The following IQSEC1 variants were observed in gnomAD, a reference collection of about 807,000 sequenced individuals.
The protein encoded by IQSEC1 is IQ motif and SEC7 domain-containing protein 1.
IQSEC1 carries 31 observed loss-of-function variants against 91.0 expected under a neutral mutation model. That is an observed-to-expected ratio of 0.34 (90% CI 0.26 to 0.46). The LOEUF (loss-of-function observed/expected upper bound fraction) is 0.46. Among genes scored for constraint, IQSEC1 ranks in the 20% least tolerant of loss-of-function variants. The pLI, the probability that IQSEC1 is intolerant of heterozygous loss-of-function variation, is 1.00. For synonymous variants in IQSEC1, 699 were observed against 662.6 expected (o/e 1.05, Z -0.84); for missense variants, 1,388 against 1,575.6 (o/e 0.88, Z 2.02).
At chr3:13,014,057 G>A (rs1160036678) in intron 1 of IQSEC1, among the ~76,000 whole-genome samples, 1 of 152,166 alleles carries the variant, frequency 6.6e-6, no homozygotes, top group African/African-American at 2.4e-5. Flanking sequence ...TTGAGCCCTG[G>A]CGCCCAACAA....
intron 1 of IQSEC1, among the ~76,000 whole-genome samples, chr3:13,186,221 G>A (rs1693929377): frequency 6.6e-6 from 1 of 152,184 alleles, no homozygotes; most frequent in African/African-American, 2.4e-5. Flanking sequence ...TGAGGGCAGG[G>A]ATGGGCCTGT....
chr3:13,151,582 CAG>C (rs1231046908), intron 2 of IQSEC1, among the ~76,000 whole-genome samples: 6 of 152,304 alleles, frequency 3.9e-5, no homozygotes, highest in Admixed American at 3.3e-4. Context: ...AGGGTCGAAA[CAG>C]GGGCAGGCTC....
intron 2 of IQSEC1, among the ~76,000 whole-genome samples, chr3:13,157,022 C>T (rs557959895): frequency 5.9e-5 from 9 of 152,342 alleles, no homozygotes; most frequent in South Asian, 2.1e-4. Flanking sequence ...CACTGAGGCT[C>T]AGGGAATTTG....
intron 1 of IQSEC1, among the ~76,000 whole-genome samples, chr3:12,964,756 C>T (rs1355340247): frequency 6.6e-6 from 1 of 152,132 alleles, no homozygotes; most frequent in Non-Finnish European, 1.5e-5. Context: ...CCCTGGATTC[C>T]AGATTATCCT....
At position 12,970,597 on chromosome 3, in the gene IQSEC1, G is replaced by A. The variant is rs187802071; in HGVS notation, c.24-28732C>T. Among the ~76,000 whole-genome samples, 6 of 152,108 alleles carry A rather than the reference G, an allele frequency of 3.9e-5. No homozygotes were observed. The East Asian group carries it at 5.8e-4, about 15-fold the overall frequency. On this transcript the variant is annotated intron_variant, in intron 1 of 13. Coordinates refer to ENST00000613206, the MANE Select transcript of IQSEC1 (RefSeq NM_001134382.3). This position sits in a 1 kb window ranked among gnomAD's most constrained non-coding sequence, Gnocchi z 4.4. ...CCAGCCTCCCTGCACAGCCAGCCTC[G>A]TGGCCTGGTTCATCTCTCCATCCCT...
In IQSEC1 at chr3:12,924,472, T is replaced by A. The variant is rs113270415; in HGVS notation, c.1730+109A>T. ...AAGAGAGAAAGGGGGGCCCACCACA[T>A]GTCCCAGCAAGTAGGGTGGGCCTGG... On this transcript the variant is annotated intron_variant, in intron 4 of 13. Transcript: ENST00000613206. The surrounding 1 kb of genome is among the most constrained non-coding windows in gnomAD (Gnocchi z 6.3). 8.8e-7 allele frequency: 1 copy of A among 1,137,082 alleles called. No homozygotes were observed. Among genetic ancestry groups the A allele is most frequent in the East Asian group, 2.9e-5 (1 of 34,870 alleles). 70.4% of individuals were successfully genotyped at this position (1,137,082 alleles called of 1,614,324 possible).
rs140414687 is a variant in IQSEC1, at chr3:13,211,601, C to T, written c.273-47468G>A. ...CCAGCAGGAGAGTCACCATCCTTGC[C>T]TCTCCATGGCCCCAAAAGAAAGTCT... On this transcript the variant is annotated intron_variant, in intron 1 of 15. Coordinates refer to the IQSEC1 transcript ENST00000648114. This position sits in a 1 kb window ranked among gnomAD's most constrained non-coding sequence, Gnocchi z 5.3. 6.6e-6 allele frequency among the ~76,000 whole-genome samples: 1 copy of T among 152,320 alleles called. No individual in the cohort carries two copies. Among genetic ancestry groups the T allele is most frequent in the East Asian group, 1.9e-4 (1 of 5,178 alleles).
Position 12,935,430 on chromosome 3 carries a change from G to C in IQSEC1, c.1568+18C>G. 6.3e-7 allele frequency: 1 copy of C among 1,593,062 alleles called. No individual in the cohort carries two copies. The highest frequency in any genetic ancestry group is 8.6e-7 in the Non-Finnish European group (1 of 1,165,244). ...AAGCCACAGCTGCCCACCCTGAGGG[G>C]TCACCCATGGTACTCACTTGTTGAA... On this transcript the variant is annotated intron_variant, in intron 3 of 13. Transcript: ENST00000613206. This position sits in a 1 kb window ranked among gnomAD's most constrained non-coding sequence, Gnocchi z 8.0.
rs1028760142 is a variant in IQSEC1, at chr3:12,967,219, C to T, written c.24-25354G>A. Among the ~76,000 whole-genome samples, 5 of 152,342 alleles carry T rather than the reference C, an allele frequency of 3.3e-5. No homozygotes were observed. Among genetic ancestry groups the T allele is most frequent in the African/African-American group, 1.2e-4 (5 of 41,576 alleles). On this transcript the variant is annotated intron_variant, in intron 1 of 13. Coordinates refer to ENST00000613206, the MANE Select transcript of IQSEC1 (RefSeq NM_001134382.3). This position sits in a 1 kb window ranked among gnomAD's most constrained non-coding sequence, Gnocchi z 5.9. ...GGGTCCTGTTTGCTCTTCTCTCACCCAAACCCACAGTCTGGCGGACGCACC... is the reference window on the plus strand; with the variant it reads ...GGGTCCTGTTTGCTCTTCTCTCACCTAAACCCACAGTCTGGCGGACGCACC...
chr3:13,277,137 A>AAAAAAAAAAAAAC (rs60347391), intron 1 of IQSEC1, among the ~76,000 whole-genome samples: 12 of 118,386 alleles, frequency 1.0e-4, no homozygotes, highest in African/African-American at 4.0e-4. Context: ...AAAAAAAAAA[A>AAAAAAAAAAAAAC]CAGAAAACAA....
intron 2 of IQSEC1, among the ~76,000 whole-genome samples, chr3:13,086,323 G>C (rs1705734694): frequency 6.6e-6 from 1 of 152,204 alleles, no homozygotes; most frequent in South Asian, 2.1e-4. Context: ...CACAGCACAT[G>C]CTCAGTGAGG....
Position 12,924,415 on chromosome 3 carries a change from G to A in IQSEC1, c.1730+166C>T, listed in dbSNP as rs996100850. 2.6e-5 allele frequency among the ~76,000 whole-genome samples: 4 copies of A among 152,174 alleles called. No homozygotes were observed. Among genetic ancestry groups the A allele is most frequent in the African/African-American group, 4.8e-5 (2 of 41,448 alleles). On this transcript the variant is annotated intron_variant, in intron 4 of 13. Transcript: ENST00000613206. The surrounding 1 kb of genome is among the most constrained non-coding windows in gnomAD (Gnocchi z 6.3). ...CCCACCTGCGTGCTGGGCAGATGTG[G>A]GGCATCTGCATGTGTGTGTCTAGGA...
chr3:12,906,635 C>T (rs1695018819), intron 12 of IQSEC1, among the ~76,000 whole-genome samples: 2 of 152,372 alleles, frequency 1.3e-5, no homozygotes, highest in South Asian at 4.1e-4. Context: ...CAGCAATCGT[C>T]ACACTACATG....
intron 1 of IQSEC1, among the ~76,000 whole-genome samples, chr3:13,175,299 G>T (rs759141430): frequency 1.3e-5 from 2 of 152,198 alleles, no homozygotes; most frequent in Non-Finnish European, 2.9e-5. Context: ...TGGTTATGGA[G>T]ATTAAGGGAC....
intron 1 of IQSEC1, among the ~76,000 whole-genome samples, chr3:12,985,492 C>G (rs983765228): frequency 3.2e-4 from 2 of 6,228 alleles, no homozygotes; most frequent in African/African-American, 9.1e-4. Context: ...CTTAACAATC[C>G]CCCCCCCCCC....
At chr3:12,902,955 C>T (rs917295604) in intron 12 of IQSEC1, 133 bp from the exon 13 acceptor site, 25 of 721,162 alleles carry the variant, frequency 3.5e-5, no homozygotes, top group Middle Eastern at 2.7e-4. Flanking sequence ...CCCACCTGCC[C>T]GCAGGAGCCA....
intron 2 of IQSEC1, among the ~76,000 whole-genome samples, chr3:13,115,843 GC>G (rs1706326014): frequency 6.6e-6 from 1 of 152,092 alleles, no homozygotes; most frequent in South Asian, 2.1e-4. Flanking sequence ...CTCTCCTTTG[GC>G]CCTGAGCCCC....
At chr3:12,913,589 A>C (rs1258439715) in intron 8 of IQSEC1, 36 bp from the exon 9 acceptor site, 1 of 1,585,028 alleles carries the variant, frequency 6.3e-7, no homozygotes, top group South Asian at 1.1e-5. Context: ...ACGGCCGCCC[A>C]GCTCTCCTCT....
intron 1 of IQSEC1, among the ~76,000 whole-genome samples, chr3:13,055,357 G>C (rs1484389885): frequency 6.6e-6 from 1 of 152,218 alleles, no homozygotes; most frequent in East Asian, 1.9e-4. Context: ...GTCTAGAGAA[G>C]TGGTTATTAA....
Sources: gnomAD v4.1 joint callset for allele counts (sites outside exome capture counted in the v4.1 genomes callset) on GRCh38, gnomAD v4.1.1 for gene constraint, Gnocchi (gnomAD v3.1) non-coding constraint, MANE v1.5 for transcripts, NCBI Gene and HGNC (gene_info 2026-07-23, HGNC 2026-07-21) for gene names.